The following ENKUR variants were observed in gnomAD, a reference collection of about 807,000 sequenced individuals.
ENKUR encodes enkurin.
ENKUR carries 19 observed loss-of-function variants against 27.6 expected under a neutral mutation model. The observed-to-expected ratio is 0.69, with a 90% CI of 0.48 to 1.01. The LOEUF (loss-of-function observed/expected upper bound fraction) is 1.01, where lower values mean the gene tolerates loss of function less well. Ranked by LOEUF, ENKUR falls within the 50% of genes least tolerant of loss-of-function variation. The pLI is 0.00. For synonymous variants in ENKUR, 117 were observed against 96.9 expected (o/e 1.21, Z -1.22); for missense variants, 312 against 310.5 (o/e 1.00, Z -0.04).
At chr10:25,061,014 C>T (rs1229858563) in intron 2 of ENKUR, 6 of 1,215,274 alleles carry the variant, frequency 4.9e-6, no homozygotes, top group South Asian at 1.3e-5. Flanking sequence ...GGGCCTGGCC[C>T]TTATGTTTCT....
chr10:24,997,961 T>C (rs1030499286), intron 2 of ENKUR, among the ~76,000 whole-genome samples: 11 of 152,122 alleles, frequency 7.2e-5, no homozygotes, highest in Non-Finnish European at 1.2e-4. Flanking sequence ...TTGTTGGTCA[T>C]AGAATGCTGG....
intron 2 of ENKUR, among the ~76,000 whole-genome samples, chr10:25,022,848 T>G (rs574539893): frequency 6.6e-6 from 1 of 152,280 alleles, no homozygotes; most frequent in South Asian, 2.1e-4. Flanking sequence ...AAATAGTAAT[T>G]TGATTTAGTG....
At position 24,991,956 on chromosome 10, in the gene ENKUR, G is replaced by T. The variant is rs551717875; in HGVS notation, c.448-1347C>A. 2.0e-5 allele frequency among the ~76,000 whole-genome samples: 3 copies of T among 152,308 alleles called. No individual in the cohort carries two copies. In the South Asian group the frequency reaches 6.2e-4, roughly 32 times the overall value. On this transcript the variant is annotated intron_variant, in intron 3 of 5. Coordinates refer to ENST00000331161, the MANE Select transcript of ENKUR (RefSeq NM_145010.4). Reference sequence around the variant, plus strand: ...CCTGCCCTTCGGCATGCTCCCCCTAGAAGTGTGAGCAGTGGGGCACTGAAG... The same window carrying T: ...CCTGCCCTTCGGCATGCTCCCCCTATAAGTGTGAGCAGTGGGGCACTGAAG...
rs1849810015 is a variant in ENKUR at position 24,987,705 on chromosome 10, T to TA, written c.594+2757dup. Among the ~76,000 whole-genome samples, 4 of 152,174 alleles carry TA rather than the reference T, an allele frequency of 2.6e-5. No homozygotes were observed. The South Asian group carries it at 6.2e-4, about 24-fold the overall frequency. On this transcript the variant is annotated intron_variant, in intron 4 of 5. Transcript: ENST00000331161. ...CTCCCTTTGTTACCTCCTCTGCAAGTATGTGTTCTGTAGTGGGGGAAACAC... is the reference window on the plus strand; with the variant it reads ...CTCCCTTTGTTACCTCCTCTGCAAGTAATGTGTTCTGTAGTGGGGGAAACAC...
intron 2 of ENKUR, among the ~76,000 whole-genome samples, chr10:25,045,432 A>G (rs1470938890): frequency 6.6e-6 from 1 of 152,242 alleles, no homozygotes; most frequent in African/African-American, 2.4e-5. Flanking sequence ...TAGTAGTGAG[A>G]AAAATAATGA....
intron 1 of ENKUR, among the ~76,000 whole-genome samples, chr10:25,009,092 A>T (rs545797663): frequency 1.3e-4 from 20 of 151,454 alleles, no homozygotes; most frequent in African/African-American, 4.3e-4. Context: ...AACATCACAC[A>T]CCGGGGACTG....
intron 3 of ENKUR, among the ~76,000 whole-genome samples, chr10:24,993,127 C>CT (rs1317103600): frequency 6.6e-6 from 1 of 151,844 alleles, no homozygotes; most frequent in Non-Finnish European, 1.5e-5. Context: ...GACTCCATCT[C>CT]TAAAAAAAAT....
At chr10:24,984,423 T>G (rs1849735855) in intron 5 of ENKUR, 47 bp from the exon 6 acceptor site, 1 of 1,571,780 alleles carries the variant, frequency 6.4e-7, no homozygotes, top group Non-Finnish European at 8.6e-7. Flanking sequence ...GCTGACTTTA[T>G]TTTTCAGGAC....
chr10:25,056,342 G>A (rs770898621), intron 2 of ENKUR, among the ~76,000 whole-genome samples: 5 of 152,210 alleles, frequency 3.3e-5, no homozygotes, highest in South Asian at 2.1e-4. Context: ...AACAGCACAC[G>A]CAGAATCAAT....
chr10:25,032,432 A>G (rs1167896746), intron 2 of ENKUR, among the ~76,000 whole-genome samples: 2 of 152,108 alleles, frequency 1.3e-5, no homozygotes, highest in Non-Finnish European at 2.9e-5. Context: ...AATATCCCAG[A>G]ATTTGAAGTC....
chr10:25,000,122 T>C (rs779554565), intron 1 of ENKUR, among the ~76,000 whole-genome samples: 1 of 152,214 alleles, frequency 6.6e-6, no homozygotes, highest in Non-Finnish European at 1.5e-5. Flanking sequence ...TTAGTTTTCA[T>C]AGATTTGGGA....
In ENKUR at chr10:24,984,351, CAA is replaced by C. The variant is rs1849731267; in HGVS notation, c.*17_*18del. Reference sequence around the variant, plus strand: ...CCAGTTCAAAATACTTAACAGTTTTCAAAGTTGTGCTGTTGGTATCATGCGCT... The same window carrying C: ...CCAGTTCAAAATACTTAACAGTTTTCAGTTGTGCTGTTGGTATCATGCGCT... On this transcript the variant is annotated 3_prime_UTR_variant, in exon 6 of 6. Coordinates refer to ENST00000331161, the MANE Select transcript of ENKUR (RefSeq NM_145010.4). 1.8e-5 allele frequency: 24 copies of C among 1,319,072 alleles called. 1 individual carries two copies. In the South Asian group the frequency reaches 3.0e-4, roughly 17 times the overall value. The allele number at this position is 1,319,072 out of a possible 1,614,324, so 81.7% of individuals were successfully genotyped here. A position where few individuals can be genotyped will look rare whatever the true frequency, so the allele number is the denominator to read the frequency against.
chr10:25,058,947 T>G (rs898342871), intron 2 of ENKUR, among the ~76,000 whole-genome samples: 1 of 139,486 alleles, frequency 7.2e-6, no homozygotes, highest in Non-Finnish European at 1.6e-5. Flanking sequence ...AAAAAAAAAG[T>G]AAGGAGGGGG....
Position 25,013,232 on chromosome 10 carries a change from C to T in ENKUR, c.77+2628G>A, listed in dbSNP as rs1041696760. Among the ~76,000 whole-genome samples the T allele has an allele frequency of 3.3e-5, 5 of 151,900 alleles. No homozygotes were observed. In the South Asian group the frequency reaches 6.2e-4, roughly 19 times the overall value. ...GTCTCGAGTATGTCTTTATTAGCAGCGTGAGAACAGACTAATATACTATGT... is the reference window on the plus strand; with the variant it reads ...GTCTCGAGTATGTCTTTATTAGCAGTGTGAGAACAGACTAATATACTATGT... On this transcript the variant is annotated intron_variant, in intron 1 of 5. Transcript: ENST00000331161.
At chr10:25,008,733 T>C (rs1041333038) in intron 1 of ENKUR, among the ~76,000 whole-genome samples, 2 of 152,232 alleles carry the variant, frequency 1.3e-5, no homozygotes, top group Non-Finnish European at 2.9e-5. Flanking sequence ...AAATACCATT[T>C]GACCCAGCCA....
chr10:24,998,529 C>T (rs373804942), intron 2 of ENKUR, among the ~76,000 whole-genome samples: 3 of 151,992 alleles, frequency 2.0e-5, no homozygotes, highest in African/African-American at 7.2e-5. Flanking sequence ...TGCATGCCAT[C>T]ACACCTAGCT....
intron 2 of ENKUR, among the ~76,000 whole-genome samples, chr10:25,037,079 T>C (rs959957742): frequency 5.9e-5 from 9 of 152,222 alleles, no homozygotes; most frequent in Admixed American, 1.3e-4. Flanking sequence ...GCATGTGCTG[T>C]TCACTTTGCC....
intron 2 of ENKUR, among the ~76,000 whole-genome samples, chr10:25,041,416 A>G (rs1851062866): frequency 6.6e-6 from 1 of 152,140 alleles, no homozygotes; most frequent in South Asian, 2.1e-4. Context: ...TCTTGAATCT[A>G]CACATTTATG....
intron 3 of ENKUR, among the ~76,000 whole-genome samples, chr10:24,993,281 A>G (rs973984588): frequency 3.9e-5 from 6 of 152,248 alleles, no homozygotes; most frequent in African/African-American, 1.4e-4. Flanking sequence ...ATAAAATTGC[A>G]TATATTATAC....
Sources: allele counts gnomAD v4.1 joint callset (sites outside exome capture counted in the v4.1 genomes callset), GRCh38; gene constraint gnomAD v4.1.1; transcripts MANE v1.5; gene names NCBI Gene and HGNC (gene_info 2026-07-23, HGNC 2026-07-21).